Variants in AK7 observed in about 807,000 individuals in gnomAD.
The protein encoded by AK7 is adenylate kinase 7, also known as ATP-AMP transphosphorylase 7.
A neutral mutation model predicts 96.6 loss-of-function variants in AK7; 78 were observed. The ratio of observed to expected loss-of-function variants is 0.81; its 90% CI spans 0.67 to 0.97. The LOEUF (loss-of-function observed/expected upper bound fraction) is 0.97, where lower values mean the gene tolerates loss of function less well. AK7 is among the 50% of genes least tolerant of loss of function. The pLI is 0.00. For synonymous variants in AK7, 302 were observed against 317.2 expected, an observed-to-expected ratio of 0.95 and a Z score of 0.51; for missense variants, 855 against 887.9, an observed-to-expected ratio of 0.96 and a Z score of 0.47.
chr14:96,411,381 C>T (rs903345788), intron 4 of AK7, among the ~76,000 whole-genome samples: 3 of 151,816 alleles, frequency 2.0e-5, no homozygotes, highest in African/African-American at 4.8e-5. Flanking sequence ...TATGGTGGTA[C>T]GCGCCTGTAG....
intron 10 of AK7, among the ~76,000 whole-genome samples, chr14:96,455,908 G>A (rs1453830504): frequency 6.6e-6 from 1 of 152,128 alleles, no homozygotes; most frequent in Non-Finnish European, 1.5e-5. Context: ...ACAGAAGAGT[G>A]AGAGTTAGCC....
chr14:96,393,189 T>C (rs938283576), intron 1 of AK7, among the ~76,000 whole-genome samples: 2 of 152,198 alleles, frequency 1.3e-5, no homozygotes, highest in African/African-American at 4.8e-5. Context: ...AAGAAAGCCA[T>C]GATTTTATCA....
intron 12 of AK7, among the ~76,000 whole-genome samples, chr14:96,463,494 C>T (rs1028401248): frequency 1.4e-4 from 21 of 151,340 alleles, no homozygotes; most frequent in African/African-American, 4.1e-4. Context: ...CCGAGGCGGG[C>T]GGATCACGAG....
intron 12 of AK7, among the ~76,000 whole-genome samples, chr14:96,470,644 G>A (rs756612522): frequency 1.5e-4 from 23 of 152,156 alleles, no homozygotes; most frequent in African/African-American, 3.6e-4. Context: ...GAAAAGACAC[G>A]GAGAAGGGAG....
intron 5 of AK7, among the ~76,000 whole-genome samples, chr14:96,436,471 C>T (rs781240888): frequency 1.4e-4 from 21 of 152,020 alleles, no homozygotes; most frequent in Non-Finnish European, 2.6e-4. Context: ...ATGGGGAAAC[C>T]CTGTCTCTAT....
chr14:96,450,706 T>G (rs753927734), intron 9 of AK7, among the ~76,000 whole-genome samples: 5 of 151,824 alleles, frequency 3.3e-5, no homozygotes, highest in Non-Finnish European at 7.4e-5. Context: ...CTGATATTAT[T>G]GGTTTCCTTG....
chr14:96,443,778 T>A (rs1893081283), intron 7 of AK7, among the ~76,000 whole-genome samples: 1 of 62,976 alleles, frequency 1.6e-5, no homozygotes, highest in South Asian at 4.9e-4. Flanking sequence ...AAAAAACTCA[T>A]AATTTTTTTT....
chr14:96,465,681 G>A (rs1894523481), intron 12 of AK7, among the ~76,000 whole-genome samples: 3 of 151,892 alleles, frequency 2.0e-5, no homozygotes, highest in Admixed American at 1.3e-4. Context: ...ATTTTACCTG[G>A]TGAATGGTTT....
chr14:96,459,539 A>G (rs552511295), intron 12 of AK7, among the ~76,000 whole-genome samples: 1 of 152,180 alleles, frequency 6.6e-6, no homozygotes, highest in South Asian at 2.1e-4. Context: ...GCAAATTGAT[A>G]AGAGAGTTAT....
intron 12 of AK7, among the ~76,000 whole-genome samples, chr14:96,470,106 C>T (rs190436677): frequency 2.9e-3 from 439 of 152,036 alleles, no homozygotes; most frequent in Non-Finnish European, 4.8e-3. Context: ...GTGTGAGCCA[C>T]CGCGCCCGCC....
At chr14:96,419,235 G>A (rs749158563) in intron 4 of AK7, among the ~76,000 whole-genome samples, 136 of 152,236 alleles carry the variant, frequency 8.9e-4, no homozygotes, top group Middle Eastern at 6.8e-3. Context: ...GCCAGAGTCA[G>A]TGACCTGCAC....
chr14:96,397,217 A>G (rs868117842), intron 1 of AK7, among the ~76,000 whole-genome samples: 3 of 152,332 alleles, frequency 2.0e-5, no homozygotes, highest in African/African-American at 7.2e-5. Flanking sequence ...TAAGTTGATA[A>G]TATTTTGGAT....
chr14:96,479,563 T>C (rs1009741796), intron 15 of AK7, among the ~76,000 whole-genome samples: 1 of 152,010 alleles, frequency 6.6e-6, no homozygotes, highest in Non-Finnish European at 1.5e-5. Flanking sequence ...GAAGAGCAAA[T>C]AGCTCTTCAC....
intron 8 of AK7, among the ~76,000 whole-genome samples, chr14:96,447,181 C>CA (rs1893286104): frequency 1.3e-5 from 2 of 152,188 alleles, no homozygotes; most frequent in African/African-American, 4.8e-5. Context: ...CATTGCACCC[C>CA]AGACACACAC....
At chr14:96,452,597 A>G (rs1297085550) in intron 10 of AK7, among the ~76,000 whole-genome samples, 1 of 152,146 alleles carries the variant, frequency 6.6e-6, no homozygotes, top group African/African-American at 2.4e-5. Flanking sequence ...AAGTGCTGGG[A>G]TTACATGCTT....
chr14:96,409,343 G>A lies in AK7; in HGVS notation c.498+402G>A, dbSNP rs562611753. On this transcript the variant is annotated intron_variant, in intron 4 of 17. Coordinates refer to ENST00000267584, the MANE Select transcript of AK7 (RefSeq NM_152327.5). ...ACCCGGCACTTTGGGAGGCCGAGGC[G>A]GGTGGACCATCTGAGGTCAGGAGTT... Among the ~76,000 whole-genome samples the A allele has an allele frequency of 3.3e-5, 5 of 152,314 alleles. No homozygotes were observed. The South Asian group carries it at 1.0e-3, about 32-fold the overall frequency.
chr14:96,405,410 C>A (rs1418142050), intron 3 of AK7, among the ~76,000 whole-genome samples: 2 of 151,978 alleles, frequency 1.3e-5, no homozygotes, highest in Non-Finnish European at 2.9e-5. Flanking sequence ...TCTCAAACCC[C>A]TGGCCTCAAG....
intron 16 of AK7, among the ~76,000 whole-genome samples, chr14:96,486,080 A>C (rs1458257265): frequency 6.6e-6 from 1 of 152,176 alleles, no homozygotes; most frequent in East Asian, 1.9e-4. Flanking sequence ...CACCGCGCCC[A>C]GCCCAGCTAG....
chr14:96,405,925 A>G (rs1352007323), intron 3 of AK7, among the ~76,000 whole-genome samples: 3 of 152,062 alleles, frequency 2.0e-5, no homozygotes, highest in African/African-American at 7.2e-5. Flanking sequence ...TTGTTTTGAG[A>G]CAAGATCTTG....
Sources: gnomAD v4.1 joint callset for allele counts (sites outside exome capture counted in the v4.1 genomes callset) on GRCh38, gnomAD v4.1.1 for gene constraint, MANE v1.5 for transcripts, NCBI Gene and HGNC (gene_info 2026-07-23, HGNC 2026-07-21) for gene names.